Variants in SCN10A observed in about 807,000 individuals in gnomAD.
The protein encoded by SCN10A is sodium voltage-gated channel alpha subunit 10, also known as sodium channel protein type 10 subunit alpha.
Under a neutral mutation model 170.7 loss-of-function variants are expected in SCN10A, and 162 were observed. The ratio of observed to expected loss-of-function variants is 0.95; its 90% CI spans 0.84 to 1.08. The LOEUF (loss-of-function observed/expected upper bound fraction) is 1.08, where lower values mean the gene tolerates loss of function less well. SCN10A is among the 50% of genes least tolerant of loss of function. The pLI, the probability that SCN10A is intolerant of heterozygous loss-of-function variation, is 0.00. For synonymous variants in SCN10A, 985 were observed against 904.6 expected, an observed-to-expected ratio of 1.09 and a Z score of -1.59; for missense variants, 2,527 against 2,436.9, an observed-to-expected ratio of 1.04 and a Z score of -0.78.
intron 1 of SCN10A, among the ~76,000 whole-genome samples, chr3:38,804,852 A>C (rs2064395661): frequency 6.6e-6 from 1 of 152,190 alleles, no homozygotes; most frequent in South Asian, 2.1e-4. Context: ...AATGGCACTG[A>C]ATATTACAAA....
chr3:38,752,573 C>A, intron 11 of SCN10A, 61 bp from the exon 12 acceptor site: 1 of 1,363,124 alleles, frequency 7.3e-7, no homozygotes, highest in Non-Finnish European at 9.9e-7. Flanking sequence ...AATCTAGAGC[C>A]CAACACTTCC....
chr3:38,794,599 C>A (rs2064325867), intron 1 of SCN10A, among the ~76,000 whole-genome samples: 1 of 152,164 alleles, frequency 6.6e-6, no homozygotes, highest in Admixed American at 6.5e-5. Flanking sequence ...CAGTCTGTGG[C>A]TGAACACTTT....
chr3:38,752,475 C>A lies in SCN10A; in HGVS notation c.1499G>T (p.Ser500Ile). The stretch of plus-strand genomic sequence containing the variant: ...CCGGAAATGGAACACACTGCCATGA[C>A]TAGCCCGGCGTTTTCCAGAGGCGAG... Reference protein sequence around the residue: ...LGLASGKRRASHGSVFHFRSP... With the variant: ...LGLASGKRRAIHGSVFHFRSP... The change falls in exon 12 of 28, where the codon AGT (serine) becomes ATT (isoleucine). Residue 500 changes from serine to isoleucine, a missense_variant. Coordinates refer to ENST00000449082, the MANE Select transcript of SCN10A (RefSeq NM_006514.4). 1 of 1,607,398 alleles carries A rather than the reference C, an allele frequency of 6.2e-7. No individual in the cohort carries two copies. Among genetic ancestry groups the A allele is most frequent in the Non-Finnish European group, 8.5e-7 (1 of 1,176,412 alleles).
intron 21 of SCN10A, among the ~76,000 whole-genome samples, chr3:38,716,578 T>C (rs1177554624): frequency 6.6e-6 from 1 of 152,186 alleles, no homozygotes; most frequent in Non-Finnish European, 1.5e-5. Context: ...GGTATGTCTT[T>C]ATCAGCAGCA....
Position 38,707,227 on chromosome 3 carries a change from G to C in SCN10A, c.4386+52C>G. On this transcript the variant is annotated intron_variant, in intron 26 of 27. Transcript: ENST00000449082. Reference sequence around the variant, plus strand: ...CCCCTGCCTGACACAGGCATAGACTGTCATGTTGGATTCACAGACAGGCTG... The same window carrying C: ...CCCCTGCCTGACACAGGCATAGACTCTCATGTTGGATTCACAGACAGGCTG... 1.9e-6 allele frequency: 3 copies of C among 1,586,478 alleles called. No individual in the cohort carries two copies. The South Asian group carries it at 3.3e-5, about 18-fold the overall frequency.
At chr3:38,709,668 T>C in intron 24 of SCN10A, 53 bp from the exon 25 acceptor site, 4 of 1,490,846 alleles carry the variant, frequency 2.7e-6, no homozygotes, top group Non-Finnish European at 2.7e-6. Flanking sequence ...TAGTTCAGGT[T>C]CACTCTGAAA....
At chr3:38,748,296 A>G (rs2063713361) in intron 13 of SCN10A, among the ~76,000 whole-genome samples, 1 of 152,228 alleles carries the variant, frequency 6.6e-6, no homozygotes, top group Non-Finnish European at 1.5e-5. Flanking sequence ...GAACAGTGAT[A>G]TTAAATAATT....
chr3:38,758,808 C>G (rs181665883), intron 8 of SCN10A, among the ~76,000 whole-genome samples: 2 of 152,096 alleles, frequency 1.3e-5, no homozygotes, highest in African/African-American at 4.8e-5. Flanking sequence ...CAGGCCTGGC[C>G]TCTCAGGGAG....
At chr3:38,748,158 A>C (rs1213291970) in intron 13 of SCN10A, among the ~76,000 whole-genome samples, 1 of 152,224 alleles carries the variant, frequency 6.6e-6, no homozygotes, top group African/African-American at 2.4e-5. Context: ...GACTAATAGC[A>C]AAACAAAAAC....
In SCN10A at chr3:38,718,764, G is replaced by A. The variant is rs1430392843; in HGVS notation, c.3570C>T (p.Asp1190=). The change falls in exon 21 of 28, where the codon GAC becomes GAT. Residue 1190 remains aspartate (D), a synonymous_variant. Transcript: ENST00000449082. ...PTVKALLEYT[D]RVFTFIFVFE... ...ACACAAAGATAAAGGTGAAGACCCTGTCAGTGTACTCCAGCAAAGCTTTCA... is the reference window on the plus strand; with the variant it reads ...ACACAAAGATAAAGGTGAAGACCCTATCAGTGTACTCCAGCAAAGCTTTCA... 1.9e-6 allele frequency: 3 copies of A among 1,614,242 alleles called. No individual in the cohort carries two copies. Among genetic ancestry groups the A allele is most frequent in the Admixed American group, 1.7e-5 (1 of 60,030 alleles).
At chr3:38,756,600 G>C in intron 10 of SCN10A, 74 bp downstream of exon 10, 1 of 1,233,698 alleles carries the variant, frequency 8.1e-7, no homozygotes, top group Non-Finnish European at 1.2e-6. Flanking sequence ...CCTAATTGAA[G>C]TGGCTAGTCC....
chr3:38,765,359 C>G (rs966550788), intron 5 of SCN10A, among the ~76,000 whole-genome samples: 1 of 152,072 alleles, frequency 6.6e-6, no homozygotes, highest in Non-Finnish European at 1.5e-5. Flanking sequence ...TAGATTTAAG[C>G]CTTTTATCCA....
At chr3:38,802,699 G>A (rs1444647713) in intron 1 of SCN10A, among the ~76,000 whole-genome samples, 1 of 152,100 alleles carries the variant, frequency 6.6e-6, no homozygotes, top group Non-Finnish European at 1.5e-5. Context: ...AAAAATCCTA[G>A]AAGAAAACCT....
chr3:38,812,453 T>A (rs1037247388), intron 1 of SCN10A, among the ~76,000 whole-genome samples: 13 of 152,106 alleles, frequency 8.5e-5, no homozygotes, highest in Non-Finnish European at 1.3e-4. Context: ...ATTTTTTTTT[T>A]AATTGAGGAA....
intron 10 of SCN10A, 100 bp from the exon 11 acceptor site, chr3:38,756,058 C>G: frequency 2.3e-6 from 3 of 1,319,686 alleles, no homozygotes; most frequent in Non-Finnish European, 3.2e-6. Context: ...AGATCTGAAA[C>G]AGAGAAGCTG....
intron 1 of SCN10A, among the ~76,000 whole-genome samples, chr3:38,795,220 A>G (rs1329760295): frequency 2.0e-5 from 3 of 152,062 alleles, no homozygotes; most frequent in African/African-American, 7.2e-5. Flanking sequence ...TCAGTCTTTG[A>G]AGCTTGGATT....
chr3:38,723,519 G>A lies in SCN10A; in HGVS notation c.3263C>T (p.Thr1088Met), dbSNP rs1048494396. 12 of 1,610,182 alleles carry A rather than the reference G, an allele frequency of 7.5e-6. No homozygotes were observed. The highest frequency in any genetic ancestry group is 2.2e-5 in the South Asian group (2 of 90,484). ...VDDTSSSEGS[T>M]VDCLDPEEIL... ...TTCCTCAGGATCTAGGCAGTCCACC[G>A]TGCTGCCCTCAGAGGAGCTTGTGTC... The change falls in exon 19 of 28, where the codon ACG becomes ATG. Residue 1088 changes from threonine (T) to methionine (M), a missense_variant. By Grantham distance (81) the Thr-to-Met change is moderately conservative. Transcript: ENST00000449082.
chr3:38,754,182 C>T (rs2126025362), intron 11 of SCN10A, among the ~76,000 whole-genome samples: 1 of 152,306 alleles, frequency 6.6e-6, no homozygotes, highest in South Asian at 2.1e-4. Context: ...CTAGAAGAAC[C>T]CCTACATGCT....
chr3:38,814,288 T>A (rs1341929343), intron 1 of SCN10A, among the ~76,000 whole-genome samples: 2 of 152,166 alleles, frequency 1.3e-5, no homozygotes, highest in Admixed American at 1.3e-4. Context: ...AGTGTTTCAC[T>A]CATGGGCTCA....
Sources: gnomAD v4.1 joint callset for allele counts (sites outside exome capture counted in the v4.1 genomes callset) on GRCh38, gnomAD v4.1.1 for gene constraint, MANE v1.5 for transcripts, NCBI Gene and HGNC (gene_info 2026-07-23, HGNC 2026-07-21) for gene names.